OLFM2: variants seen among roughly 807,000 people sequenced by gnomAD.
OLFM2 encodes the protein noelin-2.
A neutral mutation model predicts 43.9 loss-of-function variants in OLFM2; 20 were observed. The ratio of observed to expected loss-of-function variants is 0.46; its 90% CI spans 0.32 to 0.66. The LOEUF (loss-of-function observed/expected upper bound fraction) is 0.66. OLFM2 is among the 30% of genes least tolerant of loss of function. OLFM2 has a pLI of 0.04. For missense variants in OLFM2, 416 were observed against 643.6 expected (o/e 0.65, Z 3.83); for synonymous variants, 268 against 278.6 (o/e 0.96, Z 0.38).
chr19:9,925,213 C>T (rs2086445607), intron 1 of OLFM2, among the ~76,000 whole-genome samples: 1 of 152,066 alleles, frequency 6.6e-6, no homozygotes. Flanking sequence ...GCCTAGATCA[C>T]ACCACCGCAC....
intron 1 of OLFM2, among the ~76,000 whole-genome samples, chr19:9,919,307 C>T (rs2086405216): frequency 6.6e-6 from 1 of 152,040 alleles, no homozygotes; most frequent in Non-Finnish European, 1.5e-5. Context: ...GCTGGGGCTA[C>T]AGGCGCCTAC....
At chr19:9,900,649 G>A (rs1433535564) in intron 1 of OLFM2, among the ~76,000 whole-genome samples, 3 of 151,778 alleles carry the variant, frequency 2.0e-5, no homozygotes, top group Non-Finnish European at 4.4e-5. Flanking sequence ...GAAGCGCTTC[G>A]GGTGGCTGAG....
chr19:9,919,789 A>ATTTTT (rs750249042), intron 1 of OLFM2, among the ~76,000 whole-genome samples: 7 of 90,574 alleles, frequency 7.7e-5, no homozygotes, highest in East Asian at 3.0e-4. Flanking sequence ...GACCACTGCC[A>ATTTTT]TTTTTTTTTT....
intron 1 of OLFM2, among the ~76,000 whole-genome samples, chr19:9,922,608 C>T (rs2086427955): frequency 6.6e-6 from 1 of 151,952 alleles, no homozygotes; most frequent in Admixed American, 6.6e-5. Flanking sequence ...CTATTTGGCA[C>T]CCATCAGAAT....
intron 1 of OLFM2, among the ~76,000 whole-genome samples, chr19:9,904,205 T>TGTGTGTGTGTG (rs2046765874): frequency 7.1e-6 from 1 of 140,270 alleles, no homozygotes; most frequent in Non-Finnish European, 1.5e-5. Flanking sequence ...TGTGTGTGTG[T>TGTGTGTGTGTG]TTTGAGATGG....
chr19:9,924,080 A>G (rs1245349322), intron 1 of OLFM2, among the ~76,000 whole-genome samples: 3 of 140,646 alleles, frequency 2.1e-5, no homozygotes, highest in Non-Finnish European at 4.6e-5. Flanking sequence ...AGCCTGGGCA[A>G]CAGAGCAATA....
chr19:9,920,975 A>T (rs573620724), intron 1 of OLFM2, among the ~76,000 whole-genome samples: 1 of 152,274 alleles, frequency 6.6e-6, no homozygotes, highest in African/African-American at 2.4e-5. Context: ...TTGGAAAAAT[A>T]TCAATAATTG....
chr19:9,892,641 G>T (rs180839974), intron 1 of OLFM2, among the ~76,000 whole-genome samples: 62 of 152,178 alleles, frequency 4.1e-4, no homozygotes, highest in Non-Finnish European at 7.2e-4. Context: ...AGCCCAGGAG[G>T]CAGATGACGC....
chr19:9,933,700 C>T (rs1300845706), intron 1 of OLFM2, among the ~76,000 whole-genome samples: 2 of 150,904 alleles, frequency 1.3e-5, no homozygotes, highest in African/African-American at 4.9e-5. Flanking sequence ...GGATTACAGG[C>T]GCCTGCCACC....
At chr19:9,882,502 C>T (rs1384953902) in intron 1 of OLFM2, among the ~76,000 whole-genome samples, 1 of 151,718 alleles carries the variant, frequency 6.6e-6, no homozygotes, top group East Asian at 1.9e-4. Flanking sequence ...CGCACCACTG[C>T]ACTCCAGCCT....
At chr19:9,859,518 C>T (rs2046350638) in intron 2 of OLFM2, among the ~76,000 whole-genome samples, 1 of 152,100 alleles carries the variant, frequency 6.6e-6, no homozygotes, top group African/African-American at 2.4e-5. Flanking sequence ...ATCTCAAACT[C>T]CTGACCTCAA....
chr19:9,871,630 C>G (rs953471483), intron 1 of OLFM2, among the ~76,000 whole-genome samples: 5 of 151,474 alleles, frequency 3.3e-5, no homozygotes. Flanking sequence ...AGTGATGTAG[C>G]TGGAATTCGA....
At chr19:9,865,231 C>T (rs959890943) in intron 1 of OLFM2, among the ~76,000 whole-genome samples, 1 of 150,694 alleles carries the variant, frequency 6.6e-6, no homozygotes, top group Non-Finnish European at 1.5e-5. Context: ...GTGGTACTAT[C>T]AGGGCTTTTG....
intron 1 of OLFM2, among the ~76,000 whole-genome samples, chr19:9,907,734 TG>T (rs1359023150): frequency 6.6e-6 from 1 of 152,092 alleles, no homozygotes; most frequent in Non-Finnish European, 1.5e-5. Context: ...CCGGGCATGG[TG>T]GCTTATGCCT....
In OLFM2 at chr19:9,920,741, C is replaced by CAA. The variant is rs557455889; in HGVS notation, c.63+15561_63+15562dup. 4.4e-3 allele frequency among the ~76,000 whole-genome samples: 560 copies of CAA among 126,594 alleles called. 4 individuals carry two copies. Among genetic ancestry groups the CAA allele is most frequent in the South Asian group, 0.013 (49 of 3,810 alleles). 83.1% of individuals were successfully genotyped at this position (126,594 alleles called of 152,430 possible). A position where few individuals can be genotyped will look rare whatever the true frequency, so the allele number is the denominator to read the frequency against. On this transcript the variant is annotated intron_variant, in intron 1 of 5. Coordinates refer to ENST00000264833, the MANE Select transcript of OLFM2 (RefSeq NM_058164.4). Reference sequence around the variant, plus strand: ...CAAAACTCTGTGTCTACTAAACATACAAAAAAAAAAAAAAAAGTAGCCAGG... The same window carrying CAA: ...CAAAACTCTGTGTCTACTAAACATACAAAAAAAAAAAAAAAAAAGTAGCCAGG...
chr19:9,912,486 AG>A (rs777608649), intron 1 of OLFM2, among the ~76,000 whole-genome samples: 6 of 152,234 alleles, frequency 3.9e-5, no homozygotes, highest in Non-Finnish European at 7.4e-5. Flanking sequence ...ATGATTTGGG[AG>A]GAGCCCCCCA....
chr19:9,936,181 C>CCGCCCTAGCGGCG, intron 1 of OLFM2, 123 bp downstream of exon 1: 1 of 1,099,336 alleles, frequency 9.1e-7, no homozygotes, highest in Non-Finnish European at 1.3e-6. Context: ...CGACCCCCGC[C>CCGCCCTAGCGGCG]CCTCGCCGCC....
At position 9,856,228 on chromosome 19, in the gene OLFM2, A is replaced by G. The variant is rs180837997; in HGVS notation, c.687+579T>C. ...ATTCTCCTGCCTCAGCCTCCCGAGT[A>G]GCTGGGATTACAGGCATGCACCACC... On this transcript the variant is annotated intron_variant, in intron 5 of 5. Coordinates refer to ENST00000264833, the MANE Select transcript of OLFM2 (RefSeq NM_058164.4). The surrounding 1 kb of genome is among the most constrained non-coding windows in gnomAD (Gnocchi z 4.0). Among the ~76,000 whole-genome samples the G allele has an allele frequency of 6.6e-6, 1 of 152,182 alleles. No homozygotes were observed. Among genetic ancestry groups the G allele is most frequent in the African/African-American group, 2.4e-5 (1 of 41,512 alleles).
At chr19:9,914,636 C>T (rs996993994) in intron 1 of OLFM2, among the ~76,000 whole-genome samples, 1 of 151,922 alleles carries the variant, frequency 6.6e-6, no homozygotes, top group Non-Finnish European at 1.5e-5. Context: ...GGGGCACTCA[C>T]GCTTCGGACC....
Sources: gnomAD v4.1 joint callset for allele counts (sites outside exome capture counted in the v4.1 genomes callset) on GRCh38, gnomAD v4.1.1 for gene constraint, Gnocchi (gnomAD v3.1) non-coding constraint, MANE v1.5 for transcripts, NCBI Gene and HGNC (gene_info 2026-07-23, HGNC 2026-07-21) for gene names.